HTT: variants seen among roughly 807,000 people sequenced by gnomAD.
The protein encoded by HTT is huntington disease protein.
In HTT, 104 loss-of-function variants were observed where a neutral mutation model predicts 362.3. That is an observed-to-expected ratio of 0.29 (90% CI 0.24 to 0.34). The LOEUF (loss-of-function observed/expected upper bound fraction) is 0.34, where lower values mean the gene tolerates loss of function less well. HTT is among the 10% of genes least tolerant of loss of function. The probability of loss-of-function intolerance (pLI) is 1.00; values close to 1 mark genes in which losing one functional copy is unlikely to be tolerated. For synonymous variants in HTT, 1,577 were observed against 1,548.7 expected (o/e 1.02, Z -0.43); for missense variants, 3,301 against 3,928.6 (o/e 0.84, Z 4.27).
At position 3,235,796 on chromosome 4, in the gene HTT, G is replaced by T. The variant is rs748698687; in HGVS notation, c.8785+18G>T. On this transcript the variant is annotated intron_variant, in intron 63 of 66. Coordinates refer to ENST00000355072, the MANE Select transcript of HTT (RefSeq NM_001388492.1). ...GTACACAGGTGAGCATGTACACGGT[G>T]CCCATAAGGCCAGCCCAAGTCCTGT... 16 of 1,578,806 alleles carry T rather than the reference G, an allele frequency of 1.0e-5. No individual in the cohort carries two copies. The South Asian group carries it at 1.4e-4, about 14-fold the overall frequency.
At chr4:3,083,203 C>G (rs1201171200) in intron 1 of HTT, among the ~76,000 whole-genome samples, 3 of 152,046 alleles carry the variant, frequency 2.0e-5, no homozygotes, top group Non-Finnish European at 4.4e-5. Context: ...GTGGTCAAAA[C>G]AAGTAGTTTA....
chr4:3,158,919 C>T (rs1485852030), intron 28 of HTT, among the ~76,000 whole-genome samples: 1 of 152,184 alleles, frequency 6.6e-6, no homozygotes, highest in East Asian at 1.9e-4. Flanking sequence ...TTATTATTTT[C>T]CTTCCTGAAT....
intron 40 of HTT, 144 bp downstream of exon 40, chr4:3,189,237 C>T: frequency 1.3e-6 from 1 of 771,676 alleles, no homozygotes; most frequent in Non-Finnish European, 2.1e-6. Context: ...TGTAAGAGTA[C>T]ACCTGATACC....
intron 1 of HTT, among the ~76,000 whole-genome samples, chr4:3,085,432 C>T (rs937003329): frequency 2.0e-5 from 3 of 152,072 alleles, no homozygotes; most frequent in Admixed American, 6.6e-5. Flanking sequence ...CACACCTGGC[C>T]GTTTGTTTTA....
In HTT at chr4:3,074,966, G is replaced by GCCGCCGCCT. The variant is rs1553909074; in HGVS notation, c.143_144insGCCGCCTCC (p.Pro47_Pro49dup). The GCCGCCGCCT allele has an allele frequency of 4.7e-3, 6,798 of 1,449,786 alleles. 391 individuals carry two copies. In the African/African-American group the frequency reaches 0.081, roughly 17 times the overall value. The allele number at this position is 1,449,786 out of a possible 1,614,324, so 89.8% of individuals were successfully genotyped here. A position where few individuals can be genotyped will look rare whatever the true frequency, so the allele number is the denominator to read the frequency against. On this transcript the variant is annotated inframe_insertion, in exon 1 of 67. Transcript: ENST00000355072. ...CGCCACCGCCGCCGCCGCCGCCGCC[G>GCCGCCGCCT]CCTCCTCAGCTTCCTCAGCCGCCGC...
intron 50 of HTT, among the ~76,000 whole-genome samples, chr4:3,214,821 G>A (rs182603737): frequency 5.4e-3 from 786 of 145,948 alleles, no homozygotes; most frequent in Middle Eastern, 0.014. Flanking sequence ...ATAGTATCTT[G>A]AGCCGTCTCA....
intron 29 of HTT, among the ~76,000 whole-genome samples, chr4:3,165,409 G>C (rs1037955936): frequency 6.6e-6 from 1 of 152,070 alleles, no homozygotes. Context: ...TCTTCTCGAG[G>C]AGTATCTTTG....
chr4:3,105,404 G>T lies in HTT; in HGVS notation c.576G>T (p.Glu192Asp). The change falls in exon 5 of 67, where the codon GAG becomes GAT. Residue 192 changes from glutamate to aspartate, a missense_variant. Coordinates refer to ENST00000355072, the MANE Select transcript of HTT (RefSeq NM_001388492.1). ...SLRAALWRFA[E>D]LAHLVRPQKC... ...GTGCTGCCCTGTGGAGGTTTGCTGA[G>T]CTGGCTCACCTGGTTCGGCCTCAGA... 6.2e-7 allele frequency: 1 copy of T among 1,614,094 alleles called. No homozygotes were observed. The highest frequency in any genetic ancestry group is 8.5e-7 in the Non-Finnish European group (1 of 1,179,932).
In HTT at chr4:3,180,546, C is replaced by T. The variant is rs774192417; in HGVS notation, c.4644C>T (p.Asp1548=). Reference sequence around the variant, plus strand: ...CGGCTCTGCAGCCCATAGTCCACGACCTCTTTGTATTAAGAGGAACAAATA... The same window carrying T: ...CGGCTCTGCAGCCCATAGTCCACGATCTCTTTGTATTAAGAGGAACAAATA... ...AIPALQPIVH[D]LFVLRGTNKA... Residue 1548 remains aspartate (D), a synonymous_variant, in exon 36 of 67, where the codon GAC becomes GAT. Transcript: ENST00000355072. The T allele has an allele frequency of 4.7e-5, 75 of 1,612,384 alleles. No homozygotes were observed. The highest frequency in any genetic ancestry group is 4.7e-5 in the Non-Finnish European group (55 of 1,179,312).
intron 24 of HTT, among the ~76,000 whole-genome samples, chr4:3,146,460 G>C (rs1716608293): frequency 6.6e-6 from 1 of 152,158 alleles, no homozygotes; most frequent in Non-Finnish European, 1.5e-5. Flanking sequence ...TTTTGTGCCT[G>C]TTTACTCAAT....
chr4:3,220,737 G>A lies in HTT; in HGVS notation c.7369+429G>A, dbSNP rs142391912. On this transcript the variant is annotated intron_variant, in intron 53 of 66. Transcript: ENST00000355072. The stretch of plus-strand genomic sequence containing the variant: ...AGCAGACGGGAGCAGATGGAGTCAG[G>A]TTTCTTGGCACTCGCCTTCCCCAGA... Among the ~76,000 whole-genome samples the A allele has an allele frequency of 7.1e-3, 1,077 of 152,194 alleles. 2 individuals are homozygous for A. The highest frequency in any genetic ancestry group is 0.012 in the African/African-American group (509 of 41,514).
Position 3,131,384 on chromosome 4 carries a change from A to G in HTT, c.2085A>G (p.Thr695=), listed in dbSNP as rs368999999. ...TTTTATCTGCTTCGTTTTTGCTAAC[A>G]GGGGGAAAAAATGGTGAGTACAAAA... The part of the protein sequence containing the change: ...VRLLSASFLL[T]GGKNVLVPDR... Residue 695 remains threonine, a synonymous_variant, in exon 15 of 67, where the codon ACA becomes ACG. Transcript: ENST00000355072. 1.9e-6 allele frequency: 3 copies of G among 1,612,802 alleles called. No homozygotes were observed. The highest frequency in any genetic ancestry group is 2.7e-5 in the African/African-American group (2 of 74,870).
At chr4:3,237,423 T>C (rs1721591194) in intron 64 of HTT, among the ~76,000 whole-genome samples, 2 of 152,200 alleles carry the variant, frequency 1.3e-5, no homozygotes, top group South Asian at 2.1e-4. Flanking sequence ...AGTCCCCATA[T>C]GCTCACTGAG....
At position 3,107,338 on chromosome 4, in the gene HTT, A is replaced by C; in HGVS notation, c.662A>C (p.Glu221Ala). 1 of 1,614,238 alleles carries C rather than the reference A, an allele frequency of 6.2e-7. No individual in the cohort carries two copies. Among genetic ancestry groups the C allele is most frequent in the Non-Finnish European group, 8.5e-7 (1 of 1,180,020 alleles). The stretch of plus-strand genomic sequence containing the variant: ...CTGACTCGAACAAGCAAGAGACCCG[A>C]AGAATCAGTCCAGGAGACCTTGGCT... ...PCLTRTSKRP[E>A]ESVQETLAAA... The change falls in exon 6 of 67, where the codon GAA becomes GCA. Residue 221 changes from glutamate (E) to alanine (A), a missense_variant. This residue lies in a region of HTT where 2,316 missense variants were observed against 2,658.5 expected (regional missense o/e 0.87). Coordinates refer to ENST00000355072, the MANE Select transcript of HTT (RefSeq NM_001388492.1).
intron 29 of HTT, among the ~76,000 whole-genome samples, chr4:3,169,668 G>T (rs1467692280): frequency 6.6e-6 from 1 of 151,880 alleles, no homozygotes; most frequent in East Asian, 1.9e-4. Context: ...CCACCTCCCA[G>T]GCTCAAGCAA....
chr4:3,174,821 A>G (rs1278975062), intron 32 of HTT, 22 bp downstream of exon 32: 4 of 1,610,152 alleles, frequency 2.5e-6, no homozygotes, highest in South Asian at 2.2e-5. Context: ...CGTTTGTGGC[A>G]TGTGAACTCA....
At chr4:3,121,657 G>T in intron 9 of HTT, 9 of 238,732 alleles carry the variant, frequency 3.8e-5, no homozygotes, top group Middle Eastern at 1.5e-3. Context: ...CAGCCCAGGA[G>T]TTTGAGACAA....
At position 3,235,273 on chromosome 4, in the gene HTT, C is replaced by T. The variant is rs1406386355; in HGVS notation, c.8457-11C>T. The T allele has an allele frequency of 6.3e-6, 10 of 1,593,052 alleles. No homozygotes were observed. The highest frequency in any genetic ancestry group is 3.3e-5 in the South Asian group (3 of 90,636). ...GGGTGGCTGAGCCTGGATGCTGTCTCCCGTTTTCAGCTGCGTGAACATTCA... is the reference window on the plus strand; with the variant it reads ...GGGTGGCTGAGCCTGGATGCTGTCTTCCGTTTTCAGCTGCGTGAACATTCA... On this transcript the variant is annotated splice_polypyrimidine_tract_variant and intron_variant, in intron 61 of 66. Coordinates refer to ENST00000355072, the MANE Select transcript of HTT (RefSeq NM_001388492.1).
At chr4:3,138,159 CCCCTTTTCCCT>C (rs1716166435) in intron 21 of HTT, among the ~76,000 whole-genome samples, 4 of 129,158 alleles carry the variant, frequency 3.1e-5, no homozygotes, top group African/African-American at 1.4e-4. Context: ...CCTTTCCCTT[CCCCTTTTCCCT>C]TCCCCTTCCC....
Sources: allele counts gnomAD v4.1 joint callset (sites outside exome capture counted in the v4.1 genomes callset), GRCh38; gene constraint gnomAD v4.1.1; regional missense constraint gnomAD v4.1.1; transcripts MANE v1.5; gene names NCBI Gene and HGNC (gene_info 2026-07-23, HGNC 2026-07-21).